Variants in CPNE4 observed in about 807,000 individuals in gnomAD.
CPNE4 encodes the protein copine-4.
Under a neutral mutation model 67.9 loss-of-function variants are expected in CPNE4, and 25 were observed. The ratio of observed to expected loss-of-function variants is 0.37; its 90% CI spans 0.27 to 0.51. The LOEUF (loss-of-function observed/expected upper bound fraction) is 0.51. CPNE4 is among the 20% of genes least tolerant of loss of function. The pLI is 0.93. For synonymous variants in CPNE4, 242 were observed against 244.9 expected, an observed-to-expected ratio of 0.99 and a Z score of 0.11; for missense variants, 464 against 690.8, an observed-to-expected ratio of 0.67 and a Z score of 3.68.
intron 4 of CPNE4, among the ~76,000 whole-genome samples, chr3:131,699,647 A>G (rs568681442): frequency 1.3e-5 from 2 of 152,374 alleles, no homozygotes; most frequent in African/African-American, 4.8e-5. Flanking sequence ...CTATCTTGCA[A>G]TTGCAGAAGT....
chr3:131,657,704 TTGTGTG>T (rs56890555), intron 7 of CPNE4, among the ~76,000 whole-genome samples: 42,076 of 140,652 alleles, frequency 0.3, 6,401 homozygotes, highest in African/African-American at 0.36. Context: ...CCAGCTAATT[TTGTGTG>T]TGTGTGTGTG....
At position 131,587,477 on chromosome 3, in the gene CPNE4, C is replaced by CATGT. The variant is rs774702842; in HGVS notation, c.780+3_780+6dup. 7.5e-6 allele frequency: 12 copies of CATGT among 1,609,898 alleles called. No individual in the cohort carries two copies. The South Asian group carries it at 1.3e-4, about 18-fold the overall frequency. Reference sequence around the variant, plus strand: ...GGAGGCAAAACCAAAAGTGGTTGACCATGTACCTGTTTCCCTTCCATTGCT... The same window carrying CATGT: ...GGAGGCAAAACCAAAAGTGGTTGACCATGTATGTACCTGTTTCCCTTCCATTGCT... On this transcript the variant is annotated splice_region_variant and intron_variant, in intron 8 of 15. Coordinates refer to ENST00000429747, the MANE Select transcript of CPNE4 (RefSeq NM_130808.3).
chr3:131,981,250 A>C (rs2072901330), intron 1 of CPNE4, among the ~76,000 whole-genome samples: 1 of 145,180 alleles, frequency 6.9e-6, no homozygotes. Context: ...GGGCCCTAGA[A>C]CTCCCAAGAT....
chr3:131,591,575 G>A (rs1938534027), intron 7 of CPNE4, among the ~76,000 whole-genome samples: 1 of 152,208 alleles, frequency 6.6e-6, no homozygotes, highest in African/African-American at 2.4e-5. Context: ...CTGAGCTGGA[G>A]GATGAGTCAG....
intron 10 of CPNE4, among the ~76,000 whole-genome samples, chr3:131,570,298 A>AT (rs1227786687): frequency 6.7e-6 from 1 of 149,888 alleles, no homozygotes; most frequent in East Asian, 1.9e-4. Context: ...TTTTTCTACC[A>AT]TTTTCTCTTT....
chr3:131,803,321 C>T (rs1560350947), intron 2 of CPNE4, among the ~76,000 whole-genome samples: 1 of 152,186 alleles, frequency 6.6e-6, no homozygotes, highest in Non-Finnish European at 1.5e-5. Context: ...ACAGGAAATG[C>T]TAACTCTCTT....
intron 2 of CPNE4, among the ~76,000 whole-genome samples, chr3:131,833,118 C>T (rs2085437298): frequency 6.6e-6 from 1 of 152,066 alleles, no homozygotes; most frequent in African/African-American, 2.4e-5. Context: ...GGAAGTACAC[C>T]ATCACTAGAC....
At chr3:131,624,903 T>G (rs777745088) in intron 7 of CPNE4, among the ~76,000 whole-genome samples, 7 of 152,242 alleles carry the variant, frequency 4.6e-5, no homozygotes, top group Non-Finnish European at 8.8e-5. Flanking sequence ...ACCCCAGAAC[T>G]GCACTTCTCA....
intron 2 of CPNE4, among the ~76,000 whole-genome samples, chr3:131,896,471 C>T (rs901449592): frequency 2.6e-5 from 4 of 152,104 alleles, no homozygotes; most frequent in Admixed American, 2.6e-4. Context: ...GAAGTGCAAA[C>T]AATGTACATC....
At chr3:131,567,440 G>A (rs546593294) in intron 10 of CPNE4, among the ~76,000 whole-genome samples, 1 of 152,038 alleles carries the variant, frequency 6.6e-6, no homozygotes, top group East Asian at 1.9e-4. Flanking sequence ...GCTGGAGATG[G>A]GGTGAGGCAA....
chr3:131,628,866 A>AT (rs1176091911), intron 7 of CPNE4, among the ~76,000 whole-genome samples: 5 of 127,694 alleles, frequency 3.9e-5, no homozygotes, highest in Admixed American at 3.0e-4. Flanking sequence ...GGATTCATTG[A>AT]TTTTTTGAAG....
At chr3:131,940,966 C>CA (rs2071367945) in intron 1 of CPNE4, among the ~76,000 whole-genome samples, 1 of 151,918 alleles carries the variant, frequency 6.6e-6, no homozygotes, top group Non-Finnish European at 1.5e-5. Context: ...GTCATGGACT[C>CA]CGAGGAGTAG....
At chr3:131,589,417 G>C (rs1462876179) in intron 7 of CPNE4, among the ~76,000 whole-genome samples, 1 of 152,182 alleles carries the variant, frequency 6.6e-6, no homozygotes, top group African/African-American at 2.4e-5. Context: ...GGCAAGCAAG[G>C]TTATAACACC....
chr3:131,757,226 G>A (rs553469956), intron 2 of CPNE4, among the ~76,000 whole-genome samples: 1 of 152,296 alleles, frequency 6.6e-6, no homozygotes, highest in South Asian at 2.1e-4. Context: ...AGGAAAATGT[G>A]GGAAAGTTTG....
chr3:131,857,537 C>T (rs951517039), intron 2 of CPNE4, among the ~76,000 whole-genome samples: 28 of 152,028 alleles, frequency 1.8e-4, no homozygotes, highest in Non-Finnish European at 3.7e-4. Context: ...GGATATTTCT[C>T]AGTCTCCCTG....
chr3:131,669,605 T>G, intron 7 of CPNE4, 70 bp downstream of exon 7: 1 of 1,306,356 alleles, frequency 7.7e-7, no homozygotes, highest in South Asian at 1.3e-5. Flanking sequence ...GTCAATATTA[T>G]TTTGAAAAGA....
chr3:131,569,977 T>C (rs1168121800), intron 10 of CPNE4, among the ~76,000 whole-genome samples: 1 of 151,778 alleles, frequency 6.6e-6, no homozygotes, highest in East Asian at 1.9e-4. Context: ...CTAGGTATTT[T>C]ATATATATAT....
At chr3:131,884,721 C>T (rs947813898) in intron 2 of CPNE4, among the ~76,000 whole-genome samples, 11 of 152,080 alleles carry the variant, frequency 7.2e-5, no homozygotes, top group African/African-American at 1.9e-4. Flanking sequence ...ACTGTTCTCA[C>T]GGTGGTGAAC....
chr3:131,874,081 A>T (rs1162722930), intron 2 of CPNE4, among the ~76,000 whole-genome samples: 2 of 148,854 alleles, frequency 1.3e-5, no homozygotes, highest in Non-Finnish European at 3.0e-5. Flanking sequence ...TCCTTCATTC[A>T]GTTGTTTCTT....
Sources: allele counts gnomAD v4.1 joint callset (sites outside exome capture counted in the v4.1 genomes callset), GRCh38; gene constraint gnomAD v4.1.1; transcripts MANE v1.5; gene names NCBI Gene and HGNC (gene_info 2026-07-23, HGNC 2026-07-21).